The following KCNK9 variants were observed in gnomAD, a reference collection of about 807,000 sequenced individuals.
The protein encoded by KCNK9 is potassium two pore domain channel subfamily K member 9.
Under a neutral mutation model 10.8 loss-of-function variants are expected in KCNK9, and 1 was observed. That is an observed-to-expected ratio of 0.09 (90% CI 0.03 to 0.44). The LOEUF (loss-of-function observed/expected upper bound fraction) is 0.44. KCNK9 is among the 20% of genes least tolerant of loss of function. KCNK9 has a pLI of 0.97. For synonymous variants in KCNK9, 231 were observed against 222.7 expected (o/e 1.04, Z -0.33); for missense variants, 303 against 515.0 (o/e 0.59, Z 3.98).
chr8:139,632,051 T>C (rs949393135), intron 1 of KCNK9, among the ~76,000 whole-genome samples: 2 of 152,184 alleles, frequency 1.3e-5, no homozygotes, highest in Admixed American at 6.5e-5. Context: ...CCGATGCCTC[T>C]TGGGAGGTTT....
intron 1 of KCNK9, among the ~76,000 whole-genome samples, chr8:139,634,465 C>CACT (rs1300881794): frequency 6.6e-6 from 1 of 152,192 alleles, no homozygotes; most frequent in African/African-American, 2.4e-5. Context: ...TCCGCAGGTC[C>CACT]ACTGGTGCTG....
At chr8:139,624,139 C>T (rs1490156393) in intron 1 of KCNK9, among the ~76,000 whole-genome samples, 1 of 152,236 alleles carries the variant, frequency 6.6e-6, no homozygotes, top group Non-Finnish European at 1.5e-5. Context: ...ACAAGGGACG[C>T]AGCCAGCCCA....
chr8:139,605,720 C>T (rs956655510), intron 2 of KCNK9, among the ~76,000 whole-genome samples: 2 of 152,144 alleles, frequency 1.3e-5, no homozygotes, highest in Admixed American at 6.5e-5. Context: ...TCTGTAAAGA[C>T]ATTGTAAAAT....
At chr8:139,655,295 A>T (rs1815989974) in intron 1 of KCNK9, among the ~76,000 whole-genome samples, 1 of 152,168 alleles carries the variant, frequency 6.6e-6, no homozygotes, top group South Asian at 2.1e-4. Flanking sequence ...CAAGAGCAGG[A>T]GCAGGACTCT....
Position 139,702,886 on chromosome 8 carries a change from C to A in KCNK9, c.107G>T (p.Arg36Leu), listed in dbSNP as rs746058351. The change falls in exon 1 of 2, where the codon CGC becomes CTC. Residue 36 changes from arginine to leucine, a missense_variant. By Grantham distance (102) the Arg-to-Leu change is moderately radical (BLOSUM62 -2). Around this residue, in one of 5 missense-constraint regions of KCNK9, gnomAD observed 58 missense variants for 102.4 expected, o/e 0.57. Transcript: ENST00000520439. This position sits in a 1 kb window ranked among gnomAD's most constrained non-coding sequence, Gnocchi z 7.5. ...FDALESDHEM[R>L]EEEKLKAEEI... is the part of the protein sequence containing the mutation. The stretch of plus-strand genomic sequence containing the variant: ...CTCGGCTTTGAGTTTCTCCTCCTCG[C>A]GCATCTCGTGGTCCGACTCGAGGGC... 1.2e-6 allele frequency: 2 copies of A among 1,613,930 alleles called. No homozygotes were observed. The highest frequency in any genetic ancestry group is 1.7e-6 in the Non-Finnish European group (2 of 1,179,970).
At chr8:139,671,218 G>A (rs184778923) in intron 1 of KCNK9, among the ~76,000 whole-genome samples, 21 of 152,252 alleles carry the variant, frequency 1.4e-4, no homozygotes, top group South Asian at 8.3e-4. Flanking sequence ...CAGCCTGAAG[G>A]GCAGAGGGCT....
At chr8:139,621,779 G>A (rs1342564593) in intron 1 of KCNK9, among the ~76,000 whole-genome samples, 1 of 152,178 alleles carries the variant, frequency 6.6e-6, no homozygotes, top group Admixed American at 6.5e-5. Flanking sequence ...AGATGCAGGG[G>A]TGGGAATCCT....
At chr8:139,622,153 G>A (rs776750834) in intron 1 of KCNK9, among the ~76,000 whole-genome samples, 3 of 152,276 alleles carry the variant, frequency 2.0e-5, no homozygotes, top group East Asian at 3.9e-4. Flanking sequence ...CCACTGCATC[G>A]AGGACATCCC....
chr8:139,655,855 C>T (rs2129688187), intron 1 of KCNK9, among the ~76,000 whole-genome samples: 1 of 152,274 alleles, frequency 6.6e-6, no homozygotes, highest in South Asian at 2.1e-4. Context: ...GAGAGAACTT[C>T]TGCCTACAGC....
chr8:139,681,146 G>A (rs993838415), intron 1 of KCNK9, among the ~76,000 whole-genome samples: 1 of 152,140 alleles, frequency 6.6e-6, no homozygotes, highest in Non-Finnish European at 1.5e-5. Context: ...CCTTCCACAT[G>A]TGATCCCATG....
intron 1 of KCNK9, among the ~76,000 whole-genome samples, chr8:139,683,801 T>G (rs13269049): frequency 0.58 from 88,004 of 152,032 alleles, 25,538 homozygotes; most frequent in Admixed American, 0.61. Flanking sequence ...GCAGGCATGA[T>G]ATGGGAAATG....
At chr8:139,641,335 A>T (rs968306290) in intron 1 of KCNK9, among the ~76,000 whole-genome samples, 2 of 152,102 alleles carry the variant, frequency 1.3e-5, no homozygotes, top group Non-Finnish European at 2.9e-5. Flanking sequence ...CCTAAAAGTC[A>T]TCCCAGCGCT....
chr8:139,651,309 C>T (rs936131032), intron 1 of KCNK9, among the ~76,000 whole-genome samples: 32 of 152,306 alleles, frequency 2.1e-4, no homozygotes, highest in African/African-American at 6.7e-4. Flanking sequence ...CCTGCCCCCA[C>T]ATATCCTCCT....
downstream of KCNK9, chr8:139,616,548 G>A (rs2130098520): frequency 6.6e-6 from 1 of 152,308 alleles, no homozygotes; most frequent in Middle Eastern, 3.4e-3. Flanking sequence ...CAGTGTTTCA[G>A]CCCATTGGCC....
At chr8:139,629,256 T>A (rs1394143774) in intron 1 of KCNK9, among the ~76,000 whole-genome samples, 4 of 152,192 alleles carry the variant, frequency 2.6e-5, no homozygotes, top group African/African-American at 9.7e-5. Context: ...GGGGCCGAGA[T>A]GCATGCGGGG....
In KCNK9 at chr8:139,700,526, A is replaced by G. The variant is rs1202575645; in HGVS notation, c.283+2184T>C. ...CACACACACGCGCGCGCGCGCACACACACACACACACACGCGCGCACACAC... is the reference window on the plus strand; with the variant it reads ...CACACACACGCGCGCGCGCGCACACGCACACACACACACGCGCGCACACAC... On this transcript the variant is annotated intron_variant, in intron 1 of 1. Coordinates refer to ENST00000520439, the MANE Select transcript of KCNK9 (RefSeq NM_001282534.2). Among the ~76,000 whole-genome samples, 15 of 124,184 alleles carry G rather than the reference A, an allele frequency of 1.2e-4. 1 individual carries two copies. Among genetic ancestry groups the G allele is most frequent in the Admixed American group, 3.3e-4 (4 of 11,954 alleles). 81.5% of individuals were successfully genotyped at this position (124,184 alleles called of 152,430 possible). A position where few individuals can be genotyped will look rare whatever the true frequency, so the allele number is the denominator to read the frequency against.
Position 139,618,139 on chromosome 8 carries a change from G to A in KCNK9, c.*119C>T. The A allele has an allele frequency of 7.3e-7, 1 of 1,375,518 alleles. No homozygotes were observed. Among genetic ancestry groups the A allele is most frequent in the Non-Finnish European group, 1.0e-6 (1 of 995,242 alleles). 85.2% of individuals were successfully genotyped at this position (1,375,518 alleles called of 1,614,324 possible). The stretch of plus-strand genomic sequence containing the variant: ...CAAGAGACCAAGAAAGGAGGAAGGA[G>A]AGAAAGTAATAATGATGACAATAAT... On this transcript the variant is annotated 3_prime_UTR_variant, in exon 2 of 2. Coordinates refer to ENST00000520439, the MANE Select transcript of KCNK9 (RefSeq NM_001282534.2). The surrounding 1 kb of genome is among the most constrained non-coding windows in gnomAD (Gnocchi z 7.9).
intron 1 of KCNK9, among the ~76,000 whole-genome samples, chr8:139,621,689 T>A (rs1209843335): frequency 6.6e-6 from 1 of 152,186 alleles, no homozygotes; most frequent in Non-Finnish European, 1.5e-5. Context: ...CTGCTCTGTC[T>A]GGGGAGAAGG....
chr8:139,644,720 C>CG (rs895168639), intron 1 of KCNK9, among the ~76,000 whole-genome samples: 6 of 150,722 alleles, frequency 4.0e-5, no homozygotes, highest in South Asian at 4.2e-4. Flanking sequence ...CCCTGTCCCC[C>CG]CCCCCCAGAG....
Sources: gnomAD v4.1 joint callset for allele counts (sites outside exome capture counted in the v4.1 genomes callset) on GRCh38, gnomAD v4.1.1 for gene constraint, gnomAD v4.1.1 regional missense constraint, Gnocchi (gnomAD v3.1) non-coding constraint, MANE v1.5 for transcripts, NCBI Gene and HGNC (gene_info 2026-07-23, HGNC 2026-07-21) for gene names.